The following PRDM16 variants were observed in gnomAD, a reference collection of about 807,000 sequenced individuals.
PRDM16 encodes the protein PR/SET domain 16.
In PRDM16, 23 loss-of-function variants were observed where a neutral mutation model predicts 110.6. The observed-to-expected ratio is 0.21, with a 90% confidence interval of 0.15 to 0.29. The LOEUF is 0.29. Ranked by LOEUF, PRDM16 falls within the 10% of genes least tolerant of loss-of-function variation. The probability of loss-of-function intolerance (pLI) is 1.00; values close to 1 mark genes in which losing one functional copy is unlikely to be tolerated. For missense variants in PRDM16, 1,615 were observed against 1,794.3 expected, an observed-to-expected ratio of 0.90 and a Z score of 1.81; for synonymous variants, 799 against 781.8, an observed-to-expected ratio of 1.02 and a Z score of -0.37.
At chr1:3,346,049 G>C (rs1419826433) in intron 3 of PRDM16, among the ~76,000 whole-genome samples, 1 of 152,256 alleles carries the variant, frequency 6.6e-6, no homozygotes, top group Non-Finnish European at 1.5e-5. Context: ...GCTCCAAGGA[G>C]ACTCATTCTC....
chr1:3,368,533 G>T (rs1642855810), intron 3 of PRDM16, among the ~76,000 whole-genome samples: 1 of 152,118 alleles, frequency 6.6e-6, no homozygotes, highest in Non-Finnish European at 1.5e-5. Context: ...TCTCCCCCAA[G>T]CCCAGCCGCT....
chr1:3,105,569 A>T (rs957478016), intron 1 of PRDM16, among the ~76,000 whole-genome samples: 10 of 152,094 alleles, frequency 6.6e-5, no homozygotes, highest in African/African-American at 2.4e-4. Flanking sequence ...GCATCCCCTC[A>T]GATGTGAGCC....
chr1:3,283,529 G>C (rs1640766508), intron 3 of PRDM16, among the ~76,000 whole-genome samples: 1 of 152,200 alleles, frequency 6.6e-6, no homozygotes, highest in South Asian at 2.1e-4. Context: ...GTCCACAGCA[G>C]AGACAGACAC....
rs1161500379 is a variant in PRDM16 at position 3,244,109 on chromosome 1, T to C, written c.410T>C (p.Val137Ala). 21 of 1,613,862 alleles carry C rather than the reference T, an allele frequency of 1.3e-5. No homozygotes were observed. The highest frequency in any genetic ancestry group is 1.6e-5 in the Non-Finnish European group (19 of 1,180,028). Reference protein sequence around the residue: ...GWEQILTDVEVSPQEGCITKI... With the variant: ...GWEQILTDVEASPQEGCITKI... ...CAGCAAATACTGACGGACGTGGAAG[T>C]GTCGCCCCAGGAAGGCTGCATCACA... The change falls in exon 3 of 17, where the codon GTG becomes GCG. Residue 137 changes from valine to alanine, a missense_variant. Around this residue, in one of 5 missense-constraint regions of PRDM16, gnomAD observed 416 missense variants for 467.1 expected, o/e 0.89. Coordinates refer to ENST00000270722, the MANE Select transcript of PRDM16 (RefSeq NM_022114.4). This position sits in a 1 kb window ranked among gnomAD's most constrained non-coding sequence, Gnocchi z 4.1.
intron 1 of PRDM16, among the ~76,000 whole-genome samples, chr1:3,135,335 C>T (rs577782852): frequency 1.1e-4 from 17 of 152,314 alleles, no homozygotes; most frequent in African/African-American, 3.8e-4. Context: ...CTTCATCGTA[C>T]CCAGCTCTTC....
At position 3,175,655 on chromosome 1, in the gene PRDM16, C is replaced by T. The variant is rs186523868; in HGVS notation, c.38-10470C>T. Among the ~76,000 whole-genome samples, 15 of 152,318 alleles carry T rather than the reference C, an allele frequency of 9.8e-5. No homozygotes were observed. The East Asian group carries it at 2.7e-3, about 27-fold the overall frequency. On this transcript the variant is annotated intron_variant, in intron 1 of 16. Transcript: ENST00000270722. The surrounding 1 kb of genome is among the most constrained non-coding windows in gnomAD (Gnocchi z 4.8). ...TGCAGTCCCGTGGAGCCAGGCACAG[C>T]TCCGGCCAAGTCCCAGAACTCAGAC...
At chr1:3,424,311 C>A (rs183924689) in intron 12 of PRDM16, among the ~76,000 whole-genome samples, 95 of 152,390 alleles carry the variant, frequency 6.2e-4, no homozygotes, top group African/African-American at 2.2e-3. Flanking sequence ...ACAACCCTCC[C>A]TTTCCCTGCC....
At chr1:3,237,527 A>G (rs1384952317) in intron 2 of PRDM16, among the ~76,000 whole-genome samples, 5 of 152,200 alleles carry the variant, frequency 3.3e-5, no homozygotes, top group African/African-American at 1.2e-4. Context: ...CGTATTTTTT[A>G]AATGTCTCCA....
chr1:3,295,105 C>T (rs527554743), intron 3 of PRDM16, among the ~76,000 whole-genome samples: 1 of 152,208 alleles, frequency 6.6e-6, no homozygotes, highest in Non-Finnish European at 1.5e-5. Context: ...ACCTCTGCCT[C>T]CCAGGGCACC....
At chr1:3,259,148 C>T (rs1020918960) in intron 3 of PRDM16, among the ~76,000 whole-genome samples, 2 of 152,242 alleles carry the variant, frequency 1.3e-5, no homozygotes, top group African/African-American at 2.4e-5. Context: ...ACCTCCGTCC[C>T]GGCCCTTCTG....
intron 3 of PRDM16, among the ~76,000 whole-genome samples, chr1:3,348,509 C>T (rs776931601): frequency 1.8e-4 from 27 of 152,238 alleles, no homozygotes; most frequent in Non-Finnish European, 3.4e-4. Flanking sequence ...ACGGCTTCTG[C>T]TGCCCACAAA....
intron 3 of PRDM16, among the ~76,000 whole-genome samples, chr1:3,272,860 G>T (rs2100294625): frequency 6.6e-6 from 1 of 152,288 alleles, no homozygotes; most frequent in African/African-American, 2.4e-5. Flanking sequence ...CCGATGAAGG[G>T]GACACAGAGG....
intron 3 of PRDM16, among the ~76,000 whole-genome samples, chr1:3,257,213 G>T (rs1468284411): frequency 6.6e-6 from 1 of 152,186 alleles, no homozygotes; most frequent in Non-Finnish European, 1.5e-5. Context: ...CAGGGTTGTG[G>T]ATCATTCCTT....
At chr1:3,294,356 C>T (rs141646841) in intron 3 of PRDM16, among the ~76,000 whole-genome samples, 1 of 152,288 alleles carries the variant, frequency 6.6e-6, no homozygotes, top group East Asian at 1.9e-4. Flanking sequence ...TCTCCATCTT[C>T]TCACCAGCTG....
At chr1:3,158,677 C>G (rs956224850) in intron 1 of PRDM16, among the ~76,000 whole-genome samples, 1 of 151,512 alleles carries the variant, frequency 6.6e-6, no homozygotes, top group Admixed American at 6.6e-5. Context: ...CTCTTTCTTT[C>G]TTTCTTTCTC....
chr1:3,362,932 T>C (rs1042082058), intron 3 of PRDM16, among the ~76,000 whole-genome samples: 1 of 152,168 alleles, frequency 6.6e-6, no homozygotes, highest in African/African-American at 2.4e-5. Context: ...ACGAGCCCTC[T>C]TTCCAGCTCA....
Position 3,359,695 on chromosome 1 carries a change from T to C in PRDM16, c.439-25457T>C, listed in dbSNP as rs1642676555. 6.6e-6 allele frequency among the ~76,000 whole-genome samples: 1 copy of C among 152,206 alleles called. No homozygotes were observed. The highest frequency in any genetic ancestry group is 2.4e-5 in the African/African-American group (1 of 41,460). ...TAGAAAATTTTTGGCAATCTTGACTTCTTTCCCCCTTGGAAAAAAAGCGTC... is the reference window on the plus strand; with the variant it reads ...TAGAAAATTTTTGGCAATCTTGACTCCTTTCCCCCTTGGAAAAAAAGCGTC... On this transcript the variant is annotated intron_variant, in intron 3 of 16. Coordinates refer to ENST00000270722, the MANE Select transcript of PRDM16 (RefSeq NM_022114.4). This position sits in a 1 kb window ranked among gnomAD's most constrained non-coding sequence, Gnocchi z 4.3.
Position 3,425,833 on chromosome 1 carries a change from G to A in PRDM16, c.3109+83G>A. On this transcript the variant is annotated intron_variant, in intron 13 of 16. Coordinates refer to ENST00000270722, the MANE Select transcript of PRDM16 (RefSeq NM_022114.4). The surrounding 1 kb of genome is among the most constrained non-coding windows in gnomAD (Gnocchi z 6.9). Reference sequence around the variant, plus strand: ...GGGGGAGGGGGAACAGCAGGGGAGTGGGCGCCGGGCAGGGAAGAGGGCCAC... The same window carrying A: ...GGGGGAGGGGGAACAGCAGGGGAGTAGGCGCCGGGCAGGGAAGAGGGCCAC... The A allele has an allele frequency of 6.5e-7, 1 of 1,538,460 alleles. No individual in the cohort carries two copies. The highest frequency in any genetic ancestry group is 8.9e-7 in the Non-Finnish European group (1 of 1,126,814).
chr1:3,111,070 T>G (rs1026733617), intron 1 of PRDM16, among the ~76,000 whole-genome samples: 2 of 151,938 alleles, frequency 1.3e-5, no homozygotes, highest in African/African-American at 4.8e-5. Context: ...GAGTGTGAGA[T>G]GGGGAAGCTG....
Sources: allele counts gnomAD v4.1 joint callset (sites outside exome capture counted in the v4.1 genomes callset), GRCh38; gene constraint gnomAD v4.1.1; regional missense constraint gnomAD v4.1.1; non-coding constraint Gnocchi (gnomAD v3.1); transcripts MANE v1.5; gene names NCBI Gene and HGNC (gene_info 2026-07-23, HGNC 2026-07-21).